Variants in CEP89 observed in about 807,000 individuals in gnomAD.
CEP89 encodes the protein centrosomal protein 89, also known as centrosomal protein of 89 kDa.
CEP89 carries 95 observed loss-of-function variants against 97.6 expected under a neutral mutation model. That is an observed-to-expected ratio of 0.97 (90% CI 0.82 to 1.15). The LOEUF is 1.15. Ranked by LOEUF, CEP89 falls within the 50% of genes most tolerant of loss-of-function variation. The probability of loss-of-function intolerance (pLI) is 0.00; values close to 1 mark genes in which losing one functional copy is unlikely to be tolerated. For missense variants in CEP89, 869 were observed against 947.7 expected (o/e 0.92, Z 1.09); for synonymous variants, 354 against 349.1 (o/e 1.01, Z -0.16).
intron 14 of CEP89, among the ~76,000 whole-genome samples, chr19:32,902,987 C>T (rs2042849191): frequency 6.6e-6 from 1 of 152,084 alleles, no homozygotes; most frequent in Admixed American, 6.6e-5. Flanking sequence ...AGCAGTGGGG[C>T]TAACTTAGCC....
At chr19:32,892,704 C>T (rs1187563250) in intron 16 of CEP89, among the ~76,000 whole-genome samples, 2 of 149,906 alleles carry the variant, frequency 1.3e-5, no homozygotes, top group East Asian at 1.9e-4. Flanking sequence ...ACCTGTCAGC[C>T]AGCCAAGAAT....
intron 15 of CEP89, 139 bp from the exon 16 acceptor site, chr19:32,900,137 G>T: frequency 1.3e-6 from 1 of 760,880 alleles, no homozygotes; most frequent in Non-Finnish European, 2.1e-6. Context: ...CTTCTATTAA[G>T]TTTCAAGGTG....
intron 5 of CEP89, among the ~76,000 whole-genome samples, chr19:32,944,401 G>A (rs1349069957): frequency 6.6e-6 from 1 of 152,036 alleles, no homozygotes; most frequent in Admixed American, 6.6e-5. Flanking sequence ...GGAGATGACG[G>A]GTGGATGCCC....
At chr19:32,900,817 T>G (rs1184263130) in intron 15 of CEP89, among the ~76,000 whole-genome samples, 2 of 152,138 alleles carry the variant, frequency 1.3e-5, no homozygotes, top group African/African-American at 4.8e-5. Flanking sequence ...TCAATTACCC[T>G]TTTCCATTTT....
In CEP89 at chr19:32,936,025, G is replaced by A. The variant is rs1766086769; in HGVS notation, c.667+1606C>T. ...GAGTTGGTGGGGCAGGAGCTCATGG[G>A]GTGCTGCTACAGTTGCCCTCCCATG... On this transcript the variant is annotated intron_variant, in intron 7 of 18. Coordinates refer to ENST00000305768, the MANE Select transcript of CEP89 (RefSeq NM_032816.5). The surrounding 1 kb of genome is among the most constrained non-coding windows in gnomAD (Gnocchi z 4.5). 6.6e-6 allele frequency among the ~76,000 whole-genome samples: 1 copy of A among 152,120 alleles called. No homozygotes were observed. The highest frequency in any genetic ancestry group is 1.5e-5 in the Non-Finnish European group (1 of 68,004).
Position 32,960,535 on chromosome 19 carries a change from C to T in CEP89, c.147-477G>A, listed in dbSNP as rs540036072. Among the ~76,000 whole-genome samples, 212 of 152,234 alleles carry T rather than the reference C, an allele frequency of 1.4e-3. 1 individual carries two copies. The highest frequency in any genetic ancestry group is 4.9e-3 in the African/African-American group (204 of 41,548). On this transcript the variant is annotated intron_variant, in intron 2 of 18. Coordinates refer to ENST00000305768, the MANE Select transcript of CEP89 (RefSeq NM_032816.5). ...CCTAAAAAAGTAAAACAAGGCCAGGCGCGGTGGCTCATGCTTATAATCCCA... is the reference window on the plus strand; with the variant it reads ...CCTAAAAAAGTAAAACAAGGCCAGGTGCGGTGGCTCATGCTTATAATCCCA...
chr19:32,956,830 T>C (rs1030406270), intron 3 of CEP89, among the ~76,000 whole-genome samples: 3 of 152,226 alleles, frequency 2.0e-5, no homozygotes. Flanking sequence ...AAATTCTTGG[T>C]GTAAAAGCAA....
chr19:32,949,282 A>G (rs1042471200), intron 4 of CEP89, among the ~76,000 whole-genome samples: 4 of 152,184 alleles, frequency 2.6e-5, no homozygotes, highest in Non-Finnish European at 5.9e-5. Context: ...TGGGCCAGGA[A>G]TGGGACCTGC....
chr19:32,893,129 T>C (rs1282959591), intron 16 of CEP89, among the ~76,000 whole-genome samples: 2 of 151,510 alleles, frequency 1.3e-5, no homozygotes, highest in East Asian at 3.9e-4. Context: ...ACGATTCAAC[T>C]ATGTGCTGCC....
intron 7 of CEP89, among the ~76,000 whole-genome samples, chr19:32,935,695 G>C (rs1297936521): frequency 6.6e-6 from 1 of 152,178 alleles, no homozygotes; most frequent in Non-Finnish European, 1.5e-5. Flanking sequence ...GGCCCATCTA[G>C]AGTGGCCACC....
intron 14 of CEP89, among the ~76,000 whole-genome samples, chr19:32,902,048 G>GTGTGTGTGTGTGTGTGTGTGTA (rs1255251867): frequency 8.0e-5 from 12 of 150,020 alleles, no homozygotes; most frequent in African/African-American, 2.8e-4. Flanking sequence ...GTGTGTGTAT[G>GTGTGTGTGTGTGTGTGTGTGTA]TGTGTGTATA....
At chr19:32,885,884 T>A (rs1969384229) in intron 17 of CEP89, among the ~76,000 whole-genome samples, 2 of 152,074 alleles carry the variant, frequency 1.3e-5, no homozygotes. Context: ...CTTTCCTGTC[T>A]GTCTTTCTCG....
In CEP89 at chr19:32,881,918, C is replaced by A. The variant is rs1197595061; in HGVS notation, c.2061G>T (p.Arg687=). The change falls in exon 18 of 19, where the codon CGG becomes CGT. Residue 687 remains arginine, a synonymous_variant. Coordinates refer to ENST00000305768, the MANE Select transcript of CEP89 (RefSeq NM_032816.5). ...EDFAGKTAQY[R]QEMRHLHQVL... is the part of the protein sequence containing the mutation. ...CCTGGTGCAGGTGCCGCATCTCCTG[C>A]CGGTACTGGGCTGTCTTGCCGGCGA... 1.2e-6 allele frequency: 2 copies of A among 1,605,482 alleles called. No individual in the cohort carries two copies. The highest frequency in any genetic ancestry group is 1.7e-6 in the Non-Finnish European group (2 of 1,177,530).
At chr19:32,963,030 A>G (rs1971201308) in intron 2 of CEP89, among the ~76,000 whole-genome samples, 1 of 152,314 alleles carries the variant, frequency 6.6e-6, no homozygotes, top group East Asian at 1.9e-4. Flanking sequence ...AAGCACATGA[A>G]AAAAATGCTC....
At chr19:32,920,359 G>A (rs1021060839) in intron 12 of CEP89, among the ~76,000 whole-genome samples, 10 of 151,818 alleles carry the variant, frequency 6.6e-5, no homozygotes, top group African/African-American at 2.4e-4. Flanking sequence ...GGATTACAGG[G>A]GTGAACCACT....
chr19:32,927,106 G>C, intron 9 of CEP89, 122 bp from the exon 10 acceptor site: 1 of 819,456 alleles, frequency 1.2e-6, no homozygotes, highest in Non-Finnish European at 2.0e-6. Flanking sequence ...CTATCCATCT[G>C]CCTACCCACC....
intron 7 of CEP89, chr19:32,937,228 C>A: frequency 4.2e-6 from 1 of 237,942 alleles, no homozygotes. Context: ...CTGCCTTCAG[C>A]CTCAGAGCAG....
intron 14 of CEP89, among the ~76,000 whole-genome samples, chr19:32,907,232 G>T (rs748051150): frequency 6.6e-6 from 1 of 152,092 alleles, no homozygotes; most frequent in African/African-American, 2.4e-5. Flanking sequence ...ACGATGGCGC[G>T]TGACTATAGT....
chr19:32,907,237 T>A (rs148978421), intron 14 of CEP89, among the ~76,000 whole-genome samples: 1 of 152,142 alleles, frequency 6.6e-6, no homozygotes, highest in East Asian at 1.9e-4. Flanking sequence ...GGCGCGTGAC[T>A]ATAGTCCCAG....
Sources: allele counts gnomAD v4.1 joint callset (sites outside exome capture counted in the v4.1 genomes callset), GRCh38; gene constraint gnomAD v4.1.1; non-coding constraint Gnocchi (gnomAD v3.1); transcripts MANE v1.5; gene names NCBI Gene and HGNC (gene_info 2026-07-23, HGNC 2026-07-21).